STXBP5L: variants seen among roughly 807,000 people sequenced by gnomAD.
The protein encoded by STXBP5L is syntaxin binding protein 5L.
Under a neutral mutation model 144.5 loss-of-function variants are expected in STXBP5L, and 65 were observed. The observed-to-expected ratio is 0.45, with a 90% confidence interval of 0.37 to 0.55. The LOEUF (loss-of-function observed/expected upper bound fraction) is 0.55. Among genes scored for constraint, STXBP5L ranks in the 20% least tolerant of loss-of-function variants. The probability of loss-of-function intolerance (pLI) is 0.00; values close to 1 mark genes in which losing one functional copy is unlikely to be tolerated. For synonymous variants in STXBP5L, 505 were observed against 469.6 expected (o/e 1.08, Z -0.97); for missense variants, 1,298 against 1,405.5 (o/e 0.92, Z 1.22).
chr3:121,406,490 T>C (rs578221787), intron 22 of STXBP5L, among the ~76,000 whole-genome samples: 1 of 152,162 alleles, frequency 6.6e-6, no homozygotes, highest in African/African-American at 2.4e-5. Context: ...CAAAGATCAA[T>C]AGAGCCCAAA....
intron 5 of STXBP5L, among the ~76,000 whole-genome samples, chr3:121,054,386 A>T (rs1000180984): frequency 4.6e-5 from 7 of 152,118 alleles, no homozygotes; most frequent in Non-Finnish European, 8.8e-5. Context: ...TGTGGCACAT[A>T]TACACCATGG....
chr3:121,103,466 G>A (rs1428530567), intron 5 of STXBP5L, among the ~76,000 whole-genome samples: 1 of 152,004 alleles, frequency 6.6e-6, no homozygotes, highest in African/African-American at 2.4e-5. Context: ...ATGTTCTCAA[G>A]TATACATCGG....
intron 2 of STXBP5L, among the ~76,000 whole-genome samples, chr3:120,950,541 T>TG: frequency 6.7e-6 from 1 of 149,564 alleles, no homozygotes; most frequent in Non-Finnish European, 1.5e-5. Flanking sequence ...GTTTGTCAAT[T>TG]TTTTTTATTA....
In STXBP5L at chr3:120,984,396, G is replaced by A. The variant is rs959454646; in HGVS notation, c.287+29359G>A. On this transcript the variant is annotated intron_variant, in intron 3 of 26. Coordinates refer to ENST00000471454, the MANE Select transcript of STXBP5L (RefSeq NM_001308330.2). ...TTTGAATAGTTTCTTGAATTTTTGT[G>A]TTGGGAAGTGATGCCAGGGCATCTA... is the stretch of plus-strand genomic sequence containing the variant. 3.3e-5 allele frequency among the ~76,000 whole-genome samples: 5 copies of A among 152,088 alleles called. No homozygotes were observed. The East Asian group carries it at 7.7e-4, about 23-fold the overall frequency.
intron 5 of STXBP5L, among the ~76,000 whole-genome samples, chr3:121,070,955 G>A (rs986455521): frequency 6.6e-6 from 1 of 152,114 alleles, no homozygotes; most frequent in Non-Finnish European, 1.5e-5. Flanking sequence ...CATAGTTGGG[G>A]CTGCTCATTT....
intron 5 of STXBP5L, among the ~76,000 whole-genome samples, chr3:121,051,100 C>A (rs1947947388): frequency 6.6e-6 from 1 of 152,128 alleles, no homozygotes; most frequent in Non-Finnish European, 1.5e-5. Flanking sequence ...CCTGAGTGAC[C>A]TACAAAGAGA....
At chr3:120,932,428 A>C (rs1005960994) in intron 2 of STXBP5L, among the ~76,000 whole-genome samples, 10 of 152,320 alleles carry the variant, frequency 6.6e-5, no homozygotes, top group Non-Finnish European at 1.0e-4. Context: ...TAAATAGAAG[A>C]TTTGAAGTAG....
intron 3 of STXBP5L, among the ~76,000 whole-genome samples, chr3:120,979,518 A>G (rs192341294): frequency 0.099 from 15,090 of 152,002 alleles, 1,182 homozygotes; most frequent in Admixed American, 0.2. Context: ...GCAATGCCTC[A>G]CCCTGCTTTG....
chr3:121,372,312 C>G (rs1479996558), intron 20 of STXBP5L, among the ~76,000 whole-genome samples: 1 of 152,168 alleles, frequency 6.6e-6, no homozygotes. Context: ...TCAGGCCTCA[C>G]AGTTTCCCTA....
chr3:121,163,500 T>A (rs1300023975), intron 9 of STXBP5L, among the ~76,000 whole-genome samples: 1 of 151,826 alleles, frequency 6.6e-6, no homozygotes, highest in South Asian at 2.1e-4. Flanking sequence ...GATGATGGGT[T>A]GATGGGTGCA....
At chr3:121,129,845 G>C (rs1355053995) in intron 7 of STXBP5L, among the ~76,000 whole-genome samples, 1 of 151,894 alleles carries the variant, frequency 6.6e-6, no homozygotes, top group African/African-American at 2.4e-5. Flanking sequence ...TCAGAGGATG[G>C]GAAGAAAATA....
intron 11 of STXBP5L, among the ~76,000 whole-genome samples, chr3:121,226,187 A>G (rs901845696): frequency 6.6e-6 from 1 of 152,222 alleles, no homozygotes; most frequent in East Asian, 1.9e-4. Context: ...ATCTGTATAA[A>G]TAATTGGCTG....
In STXBP5L at chr3:120,963,748, C is replaced by G. The variant is rs139638011; in HGVS notation, c.287+8711C>G. 3.1e-3 allele frequency among the ~76,000 whole-genome samples: 466 copies of G among 152,176 alleles called. 5 individuals are homozygous for G. The highest frequency in any genetic ancestry group is 0.011 in the African/African-American group (449 of 41,500). On this transcript the variant is annotated intron_variant, in intron 3 of 26. Transcript: ENST00000471454. Reference sequence around the variant, plus strand: ...CTAAAATTCTCTTTTATTGTTGTGTCCCTGCCAGGCTTTTGTATCGGGATA... The same window carrying G: ...CTAAAATTCTCTTTTATTGTTGTGTGCCTGCCAGGCTTTTGTATCGGGATA...
chr3:121,030,268 G>A (rs532265981), intron 3 of STXBP5L, among the ~76,000 whole-genome samples: 18 of 152,180 alleles, frequency 1.2e-4, no homozygotes, highest in African/African-American at 3.1e-4. Context: ...GCAAAGACTC[G>A]GAACCAACCC....
chr3:121,319,124 G>A (rs1458419704), intron 20 of STXBP5L, among the ~76,000 whole-genome samples: 1 of 152,026 alleles, frequency 6.6e-6, no homozygotes, highest in African/African-American at 2.4e-5. Context: ...TTTTTGGGTG[G>A]TGGGAATATG....
At chr3:121,051,374 A>T (rs1260571966) in intron 5 of STXBP5L, among the ~76,000 whole-genome samples, 4 of 152,220 alleles carry the variant, frequency 2.6e-5, no homozygotes, top group Non-Finnish European at 5.9e-5. Context: ...AACAGAAATT[A>T]TAACAAACTG....
intron 3 of STXBP5L, among the ~76,000 whole-genome samples, chr3:121,032,515 G>C (rs1181860423): frequency 6.6e-6 from 1 of 151,494 alleles, no homozygotes; most frequent in South Asian, 2.1e-4. Flanking sequence ...GCACGGGCAA[G>C]GACTTCATGT....
At chr3:121,151,806 T>C (rs2107983206) in intron 7 of STXBP5L, among the ~76,000 whole-genome samples, 1 of 149,816 alleles carries the variant, frequency 6.7e-6, no homozygotes, top group Non-Finnish European at 1.5e-5. Flanking sequence ...TTGTGAATCA[T>C]TTAACAGCAA....
intron 5 of STXBP5L, among the ~76,000 whole-genome samples, chr3:121,071,130 C>G (rs1383562614): frequency 6.6e-6 from 1 of 152,076 alleles, no homozygotes; most frequent in African/African-American, 2.4e-5. Context: ...CAATTATAAC[C>G]ATAGGTGAAA....
Sources: allele counts gnomAD v4.1 joint callset (sites outside exome capture counted in the v4.1 genomes callset), GRCh38; gene constraint gnomAD v4.1.1; transcripts MANE v1.5; gene names NCBI Gene and HGNC (gene_info 2026-07-23, HGNC 2026-07-21).